The following RANBP17 variants were observed in gnomAD, a reference collection of about 807,000 sequenced individuals.
RANBP17 encodes RAN binding protein 17.
In RANBP17, 158 loss-of-function variants were observed where a neutral mutation model predicts 141.2. The ratio of observed to expected loss-of-function variants is 1.12; its 90% CI spans 0.98 to 1.28. RANBP17 has a LOEUF of 1.28. RANBP17 is among the 50% of genes most tolerant of loss of function. The pLI, the probability that RANBP17 is intolerant of heterozygous loss-of-function variation, is 0.00. For missense variants in RANBP17, 1,438 were observed against 1,290.7 expected (o/e 1.11, Z -1.75); for synonymous variants, 430 against 450.0 (o/e 0.96, Z 0.56).
chr5:171,187,364 C>T (rs1407761639), intron 18 of RANBP17, among the ~76,000 whole-genome samples: 5 of 151,446 alleles, frequency 3.3e-5, no homozygotes, highest in Non-Finnish European at 7.4e-5. Context: ...CCCAGAAACA[C>T]GAAGTAGGTT....
chr5:171,022,637 C>T (rs559619899), intron 14 of RANBP17, among the ~76,000 whole-genome samples: 1 of 152,324 alleles, frequency 6.6e-6, no homozygotes, highest in South Asian at 2.1e-4. Flanking sequence ...TTCCAGCCTC[C>T]CTGGTCCCAG....
intron 22 of RANBP17, among the ~76,000 whole-genome samples, chr5:171,227,391 A>G (rs1379283508): frequency 6.6e-6 from 1 of 152,272 alleles, no homozygotes; most frequent in Non-Finnish European, 1.5e-5. Flanking sequence ...GCAAAGCCTA[A>G]TCCAGAGCAA....
intron 24 of RANBP17, among the ~76,000 whole-genome samples, chr5:171,263,610 A>G: frequency 6.6e-6 from 1 of 152,188 alleles, no homozygotes; most frequent in East Asian, 1.9e-4. Flanking sequence ...GATGCCCTCA[A>G]GTAAGATCCT....
chr5:171,220,797 T>G (rs1285068559), intron 21 of RANBP17, among the ~76,000 whole-genome samples: 1 of 152,156 alleles, frequency 6.6e-6, no homozygotes, highest in Non-Finnish European at 1.5e-5. Context: ...CTTGTGAAAT[T>G]TTGTTATTTT....
chr5:171,112,296 T>C (rs1755292599), intron 14 of RANBP17, among the ~76,000 whole-genome samples: 1 of 152,158 alleles, frequency 6.6e-6, no homozygotes, highest in Non-Finnish European at 1.5e-5. Context: ...ACTTTGTTTC[T>C]TGCACTATCT....
intron 22 of RANBP17, among the ~76,000 whole-genome samples, chr5:171,235,083 G>C (rs146710949): frequency 1.3e-5 from 2 of 152,174 alleles, no homozygotes; most frequent in African/African-American, 4.8e-5. Flanking sequence ...AAAATCGAGA[G>C]AATGTGTCTT....
chr5:171,101,005 G>A (rs538108406), intron 14 of RANBP17, among the ~76,000 whole-genome samples: 5 of 152,304 alleles, frequency 3.3e-5, no homozygotes, highest in African/African-American at 1.2e-4. Context: ...TTGCTGAGGA[G>A]TGTTTTACTT....
At chr5:171,247,773 T>G (rs1278045132) in intron 24 of RANBP17, among the ~76,000 whole-genome samples, 1 of 152,182 alleles carries the variant, frequency 6.6e-6, no homozygotes. Context: ...AGTACCTTTC[T>G]AAACCTTGGC....
chr5:170,869,459 A>G (rs987771998), intron 1 of RANBP17, among the ~76,000 whole-genome samples: 1 of 151,980 alleles, frequency 6.6e-6, no homozygotes, highest in Non-Finnish European at 1.5e-5. Flanking sequence ...CTTAATACCA[A>G]TATATTTTCA....
chr5:171,045,607 A>G (rs1399070407), intron 14 of RANBP17, among the ~76,000 whole-genome samples: 1 of 152,168 alleles, frequency 6.6e-6, no homozygotes, highest in African/African-American at 2.4e-5. Flanking sequence ...CTTTAGTAAT[A>G]AAAAATACAG....
chr5:171,272,724 GC>G (rs1328920501), intron 25 of RANBP17, among the ~76,000 whole-genome samples: 18 of 152,142 alleles, frequency 1.2e-4, no homozygotes. Context: ...TCCCACTGGG[GC>G]CATCCTTAAG....
intron 14 of RANBP17, among the ~76,000 whole-genome samples, chr5:171,139,943 C>T (rs1043234308): frequency 1.3e-5 from 2 of 152,220 alleles, no homozygotes; most frequent in Non-Finnish European, 2.9e-5. Flanking sequence ...AAACCCCACT[C>T]GTCTAGCCAG....
chr5:171,147,507 C>A (rs1328080404), intron 14 of RANBP17, among the ~76,000 whole-genome samples: 7 of 151,188 alleles, frequency 4.6e-5, no homozygotes, highest in African/African-American at 1.7e-4. Flanking sequence ...CCTCCACCTC[C>A]CAGGTTCAAG....
chr5:171,251,254 T>C (rs1765541754), intron 24 of RANBP17, among the ~76,000 whole-genome samples: 1 of 150,006 alleles, frequency 6.7e-6, no homozygotes, highest in South Asian at 2.1e-4. Context: ...ATGCCCAGCT[T>C]TTTTTTTTAG....
At chr5:171,184,934 G>A (rs1279371065) in intron 18 of RANBP17, among the ~76,000 whole-genome samples, 3 of 152,182 alleles carry the variant, frequency 2.0e-5, no homozygotes, top group South Asian at 2.1e-4. Flanking sequence ...AGGCTGAGGC[G>A]GGTGGATCAC....
intron 25 of RANBP17, among the ~76,000 whole-genome samples, chr5:171,267,286 C>T (rs906823000): frequency 6.6e-6 from 1 of 151,494 alleles, no homozygotes; most frequent in African/African-American, 2.4e-5. Flanking sequence ...ACAAACAGTC[C>T]TCCCACCTCA....
At chr5:171,258,016 G>T (rs1766019220) in intron 24 of RANBP17, among the ~76,000 whole-genome samples, 1 of 151,854 alleles carries the variant, frequency 6.6e-6, no homozygotes, top group Non-Finnish European at 1.5e-5. Flanking sequence ...TGAGGCAGGA[G>T]AATCGCTTGA....
chr5:171,002,839 A>G (rs1036534492), intron 14 of RANBP17, among the ~76,000 whole-genome samples: 2 of 152,182 alleles, frequency 1.3e-5, no homozygotes, highest in African/African-American at 4.8e-5. Context: ...TGTCAGGTGT[A>G]TCAGAGATAC....
chr5:171,251,035 G>A (rs965324409), intron 24 of RANBP17, among the ~76,000 whole-genome samples: 9 of 152,128 alleles, frequency 5.9e-5, no homozygotes, highest in African/African-American at 1.7e-4. Flanking sequence ...TCTTTTCATC[G>A]GAACATGGAA....
Sources: gnomAD v4.1 joint callset for allele counts (sites outside exome capture counted in the v4.1 genomes callset) on GRCh38, gnomAD v4.1.1 for gene constraint, MANE v1.5 for transcripts, NCBI Gene and HGNC (gene_info 2026-07-23, HGNC 2026-07-21) for gene names.